The following ATP6V1A variants were observed in gnomAD, a reference collection of about 807,000 sequenced individuals.
ATP6V1A encodes V-type proton ATPase catalytic subunit A.
Under a neutral mutation model 70.1 loss-of-function variants are expected in ATP6V1A, and 18 were observed. The ratio of observed to expected loss-of-function variants is 0.26; its 90% CI spans 0.18 to 0.38. The LOEUF is 0.38. ATP6V1A is among the 10% of genes least tolerant of loss of function. The pLI is 1.00. For synonymous variants in ATP6V1A, 232 were observed against 253.8 expected (o/e 0.91, Z 0.82); for missense variants, 424 against 772.4 (o/e 0.55, Z 5.35).
intron 1 of ATP6V1A, among the ~76,000 whole-genome samples, chr3:113,763,838 A>G (rs978279848): frequency 6.2e-5 from 9 of 146,168 alleles, no homozygotes; most frequent in African/African-American, 2.3e-4. Flanking sequence ...ATATGGTGTT[A>G]ACTTCTAGAT....
At position 113,798,181 on chromosome 3, in the gene ATP6V1A, AT is replaced by A. The variant is rs200783945; in HGVS notation, c.1291-56del. The A allele has an allele frequency of 4.3e-3, 6,766 of 1,560,284 alleles. 170 individuals are homozygous for A. In the Admixed American group the frequency reaches 0.056, roughly 13 times the overall value. On this transcript the variant is annotated intron_variant, in intron 11 of 14. Coordinates refer to ENST00000273398, the MANE Select transcript of ATP6V1A (RefSeq NM_001690.4). ...ATAGTTGGGACAAACATGCTTCGGTATTTTTTAACTTTGTTTTTTGAGAAAA... is the reference window on the plus strand; with the variant it reads ...ATAGTTGGGACAAACATGCTTCGGTATTTTTAACTTTGTTTTTTGAGAAAA...
chr3:113,776,526 G>A (rs1231069919), intron 1 of ATP6V1A, among the ~76,000 whole-genome samples: 1 of 152,186 alleles, frequency 6.6e-6, no homozygotes, highest in Non-Finnish European at 1.5e-5. Flanking sequence ...TTGCTATATA[G>A]CTATTTAAAG....
chr3:113,781,886 C>T (rs1708981205), intron 3 of ATP6V1A, among the ~76,000 whole-genome samples: 1 of 152,144 alleles, frequency 6.6e-6, no homozygotes, highest in Non-Finnish European at 1.5e-5. Context: ...ATAAAACGGT[C>T]ACCATTCTTT....
At chr3:113,789,904 C>A in intron 8 of ATP6V1A, 64 bp downstream of exon 8, 3 of 1,268,370 alleles carry the variant, frequency 2.4e-6, no homozygotes, top group South Asian at 2.5e-5. Context: ...TAGCACCAAA[C>A]TTTTCTAAAG....
intron 3 of ATP6V1A, among the ~76,000 whole-genome samples, chr3:113,782,598 A>G (rs1297029016): frequency 1.4e-5 from 2 of 146,932 alleles, no homozygotes; most frequent in East Asian, 2.0e-4. Context: ...ATATATATAT[A>G]TATACATATA....
chr3:113,756,578 A>C (rs1233773055), intron 1 of ATP6V1A, among the ~76,000 whole-genome samples: 2 of 152,222 alleles, frequency 1.3e-5, no homozygotes, highest in Non-Finnish European at 2.9e-5. Flanking sequence ...AGCTTAAGTT[A>C]CTATCATATG....
chr3:113,761,717 CAA>C (rs1393394437), intron 1 of ATP6V1A, among the ~76,000 whole-genome samples: 4 of 135,806 alleles, frequency 2.9e-5, no homozygotes, highest in African/African-American at 1.1e-4. Context: ...GCCTGGGCAA[CAA>C]GAGCAAAACT....
intron 11 of ATP6V1A, among the ~76,000 whole-genome samples, 161 bp from the exon 12 acceptor site, chr3:113,798,082 G>A (rs536812602): frequency 9.9e-5 from 15 of 152,108 alleles, no homozygotes; most frequent in Admixed American, 5.9e-4. Flanking sequence ...GTAGTGAGCC[G>A]AGATCATGCC....
In ATP6V1A at chr3:113,755,852, T is replaced by A. The variant is rs898141355; in HGVS notation, c.-14+8739T>A. Among the ~76,000 whole-genome samples the A allele has an allele frequency of 8.5e-5, 13 of 152,240 alleles. 1 individual carries two copies. The highest frequency in any genetic ancestry group is 7.2e-4 in the Admixed American group (11 of 15,280). Reference sequence around the variant, plus strand: ...ATCCACAAATGGTAGCACCTCTTCGTATTATTCTGGACCTTACATTTTTCG... The same window carrying A: ...ATCCACAAATGGTAGCACCTCTTCGAATTATTCTGGACCTTACATTTTTCG... On this transcript the variant is annotated intron_variant, in intron 1 of 14. Transcript: ENST00000273398.
chr3:113,782,560 G>GTATATATATATA lies in ATP6V1A; in HGVS notation c.211+1383_211+1384insATATATATATAT, dbSNP rs1559755557. 5.0e-3 allele frequency among the ~76,000 whole-genome samples: 711 copies of GTATATATATATA among 141,880 alleles called. 11 individuals carry two copies. The highest frequency in any genetic ancestry group is 0.018 in the African/African-American group (681 of 38,470). The allele number at this position is 141,880 out of a possible 152,430, so 93.1% of individuals were successfully genotyped here. On this transcript the variant is annotated intron_variant, in intron 3 of 14. Transcript: ENST00000273398. ...TCTCTCTCTATATATATATATACAT[G>GTATATATATATA]TGTATATATATACGTATATATATAC...
rs1039398717 is a variant in ATP6V1A at position 113,788,580 on chromosome 3, A to G, written c.717-133A>G. 9 of 690,226 alleles carry G rather than the reference A, an allele frequency of 1.3e-5. No individual in the cohort carries two copies. In the South Asian group the frequency reaches 1.6e-4, roughly 12 times the overall value. The allele number at this position is 690,226 out of a possible 1,614,324, so 42.8% of individuals were successfully genotyped here. A position where few individuals can be genotyped will look rare whatever the true frequency, so the allele number is the denominator to read the frequency against. On this transcript the variant is annotated intron_variant, in intron 6 of 14. Coordinates refer to ENST00000273398, the MANE Select transcript of ATP6V1A (RefSeq NM_001690.4). ...AGTCTGGTCTCGAACTCCTCACTTC[A>G]GATGATCCACCCGCTTCGGCCCCCA...
chr3:113,787,037 C>T (rs962943030), intron 6 of ATP6V1A, among the ~76,000 whole-genome samples: 5 of 152,164 alleles, frequency 3.3e-5, no homozygotes, highest in Non-Finnish European at 7.4e-5. Flanking sequence ...GCCTTGGCCT[C>T]CCAAAGTACT....
chr3:113,777,121 A>C (rs1231043093), intron 1 of ATP6V1A, among the ~76,000 whole-genome samples: 1 of 152,210 alleles, frequency 6.6e-6, no homozygotes, highest in Non-Finnish European at 1.5e-5. Context: ...ATAGTTATTA[A>C]GGTAGATCAG....
chr3:113,801,691 G>A (rs1709214033), intron 12 of ATP6V1A, among the ~76,000 whole-genome samples: 1 of 152,128 alleles, frequency 6.6e-6, no homozygotes, highest in Non-Finnish European at 1.5e-5. Context: ...ACACCACAGA[G>A]GATGAAATAC....
chr3:113,780,858 T>C, intron 2 of ATP6V1A, 192 bp from the exon 3 acceptor site: 1 of 1,334,266 alleles, frequency 7.5e-7, no homozygotes, highest in Non-Finnish European at 9.9e-7. Context: ...ATCTTTGGCT[T>C]ACCTCTTTAT....
intron 13 of ATP6V1A, 53 bp downstream of exon 13, chr3:113,803,730 G>A (rs888580767): frequency 2.1e-5 from 30 of 1,423,022 alleles, no homozygotes; most frequent in Non-Finnish European, 2.8e-5. Context: ...TTGTGTTTTG[G>A]TGAAGGAGTA....
chr3:113,766,584 T>C (rs2108016215), intron 1 of ATP6V1A, among the ~76,000 whole-genome samples: 1 of 152,282 alleles, frequency 6.6e-6, no homozygotes, highest in African/African-American at 2.4e-5. Flanking sequence ...CATGAGCCAC[T>C]GCATCCAGCT....
intron 5 of ATP6V1A, 109 bp downstream of exon 5, chr3:113,784,942 T>A (rs1307657713): frequency 1.7e-6 from 2 of 1,187,206 alleles, no homozygotes; most frequent in Non-Finnish European, 2.3e-6. Context: ...TACATAAGTT[T>A]TGAGTAACTC....
intron 1 of ATP6V1A, among the ~76,000 whole-genome samples, chr3:113,761,129 A>G (rs1244668779): frequency 6.7e-6 from 1 of 150,060 alleles, no homozygotes; most frequent in Non-Finnish European, 1.5e-5. Context: ...TTTTTGAGAC[A>G]GGGTCTCACT....
Sources: allele counts gnomAD v4.1 joint callset (sites outside exome capture counted in the v4.1 genomes callset), GRCh38; gene constraint gnomAD v4.1.1; transcripts MANE v1.5; gene names NCBI Gene and HGNC (gene_info 2026-07-23, HGNC 2026-07-21).